VPS8: variants seen among roughly 807,000 people sequenced by gnomAD.
VPS8 encodes the protein vacuolar protein sorting-associated protein 8 homolog.
Under a neutral mutation model 216.4 loss-of-function variants are expected in VPS8, and 129 were observed. The ratio of observed to expected loss-of-function variants is 0.60; its 90% CI spans 0.52 to 0.69. The LOEUF (loss-of-function observed/expected upper bound fraction) is 0.69. Ranked by LOEUF, VPS8 falls within the 30% of genes least tolerant of loss-of-function variation. The probability of loss-of-function intolerance (pLI) is 0.00; values close to 1 mark genes in which losing one functional copy is unlikely to be tolerated. For missense variants in VPS8, 1,531 were observed against 1,683.5 expected, an observed-to-expected ratio of 0.91 and a Z score of 1.59; for synonymous variants, 571 against 565.4, an observed-to-expected ratio of 1.01 and a Z score of -0.14.
intron 36 of VPS8, among the ~76,000 whole-genome samples, chr3:184,941,123 A>G (rs1304802743): frequency 6.6e-6 from 1 of 151,528 alleles, no homozygotes; most frequent in African/African-American, 2.4e-5. Flanking sequence ...ATTGAAAACA[A>G]CTATTTACTT....
At chr3:185,020,432 T>A (rs1422150044) in intron 45 of VPS8, among the ~76,000 whole-genome samples, 1 of 152,092 alleles carries the variant, frequency 6.6e-6, no homozygotes, top group African/African-American at 2.4e-5. Context: ...TTTCTGTCAC[T>A]GAACATGTAT....
chr3:184,967,841 C>CA (rs11326717), intron 39 of VPS8, among the ~76,000 whole-genome samples: 1,532 of 133,714 alleles, frequency 0.011, 28 homozygotes, highest in African/African-American at 0.04. Flanking sequence ...AACTCCATCT[C>CA]AAAAAAAAAA....
intron 1 of VPS8, chr3:184,815,850 A>G (rs1029187157): frequency 6.6e-6 from 1 of 151,472 alleles, no homozygotes. Flanking sequence ...TAAATCTCTC[A>G]TGACTCTATA....
In VPS8 at chr3:184,996,466, A is replaced by G. The variant is rs761270924; in HGVS notation, c.3801A>G (p.Arg1267=). 9.3e-6 allele frequency: 15 copies of G among 1,606,188 alleles called. No individual in the cohort carries two copies. In the Admixed American group the frequency reaches 2.4e-4, roughly 26 times the overall value. ...YCSICLQQYK[R]RQEMADEIIV... is the part of the protein sequence containing the mutation. ...CTATATGTTTGCAGCAGTACAAGAG[A>G]CGCCAAGAAATGGCTGATGAAATAA... is the stretch of plus-strand genomic sequence containing the variant. Residue 1267 remains arginine, a synonymous_variant, in exon 44 of 48, where the codon AGA becomes AGG. Coordinates refer to ENST00000625842, the MANE Select transcript of VPS8 (RefSeq NM_001009921.3).
At chr3:184,995,911 A>T (rs1197609324) in intron 43 of VPS8, among the ~76,000 whole-genome samples, 1 of 152,246 alleles carries the variant, frequency 6.6e-6, no homozygotes, top group African/African-American at 2.4e-5. Flanking sequence ...ATGCAGTTTC[A>T]GTAAAAAATC....
At chr3:184,822,677 C>A (rs1717862793) in intron 1 of VPS8, among the ~76,000 whole-genome samples, 1 of 152,074 alleles carries the variant, frequency 6.6e-6, no homozygotes, top group African/African-American at 2.4e-5. Flanking sequence ...TAATTGCAAC[C>A]CTTTTTGCTT....
At chr3:185,039,022 C>T (rs948177165) in intron 46 of VPS8, among the ~76,000 whole-genome samples, 1 of 152,144 alleles carries the variant, frequency 6.6e-6, no homozygotes, top group African/African-American at 2.4e-5. Context: ...ATGAAAAATA[C>T]CAATGTCCTG....
intron 31 of VPS8, among the ~76,000 whole-genome samples, chr3:184,927,804 C>T (rs935031962): frequency 6.6e-6 from 1 of 152,174 alleles, no homozygotes; most frequent in Non-Finnish European, 1.5e-5. Context: ...AGGTCCCTCA[C>T]GTAAGTGCAG....
chr3:184,860,975 A>G (rs1032432185), intron 15 of VPS8, among the ~76,000 whole-genome samples: 2 of 151,328 alleles, frequency 1.3e-5, no homozygotes, highest in Admixed American at 1.3e-4. Flanking sequence ...GTGCCCCCCC[A>G]TCACGCCTGG....
intron 37 of VPS8, among the ~76,000 whole-genome samples, chr3:184,962,222 A>G (rs1453686914): frequency 6.6e-6 from 1 of 152,190 alleles, no homozygotes; most frequent in Admixed American, 6.5e-5. Context: ...ACAGTGTTAC[A>G]GTGTACATCC....
At chr3:184,882,326 A>G (rs1730416095) in intron 21 of VPS8, 1 of 446,578 alleles carries the variant, frequency 2.2e-6, no homozygotes, top group Non-Finnish European at 4.5e-6. Context: ...AATTAATATG[A>G]TCATGTGATT....
chr3:184,915,449 G>A lies in VPS8; in HGVS notation c.2357G>A (p.Arg786Lys). The change falls in exon 28 of 48, where the codon AGA (arginine) becomes AAA (lysine). Residue 786 changes from arginine (R) to lysine (K), a missense_variant. By Grantham distance (26) the Arg-to-Lys change is conservative. Coordinates refer to ENST00000625842, the MANE Select transcript of VPS8 (RefSeq NM_001009921.3). ...YIRTLLHFDT[R>K]EFLNVLALTF... ...CGGACTTTGCTACATTTTGACACAA[G>A]AGAATTTCTAAATGTATTGGCACTG... The A allele has an allele frequency of 6.2e-7, 1 of 1,613,736 alleles. No individual in the cohort carries two copies. Among genetic ancestry groups the A allele is most frequent in the Non-Finnish European group, 8.5e-7 (1 of 1,179,744 alleles).
intron 28 of VPS8, among the ~76,000 whole-genome samples, chr3:184,917,762 A>G (rs895926912): frequency 6.6e-6 from 1 of 152,218 alleles, no homozygotes; most frequent in Non-Finnish European, 1.5e-5. Flanking sequence ...TTAGGAAGAA[A>G]AATATATTAA....
chr3:184,928,271 G>A (rs1040411797), intron 31 of VPS8, among the ~76,000 whole-genome samples, 180 bp from the exon 32 acceptor site: 1 of 152,168 alleles, frequency 6.6e-6, no homozygotes, highest in Non-Finnish European at 1.5e-5. Context: ...GGGCTTAAAT[G>A]CAGTATGATC....
chr3:185,042,350 C>T (rs1246986419), intron 46 of VPS8, among the ~76,000 whole-genome samples: 1 of 152,208 alleles, frequency 6.6e-6, no homozygotes, highest in African/African-American at 2.4e-5. Context: ...TTCCCTAGTA[C>T]ATGCCCTGTA....
At chr3:184,862,654 C>T (rs1726586205) in intron 15 of VPS8, among the ~76,000 whole-genome samples, 1 of 152,140 alleles carries the variant, frequency 6.6e-6, no homozygotes, top group Non-Finnish European at 1.5e-5. Flanking sequence ...CCACCTACAG[C>T]TTTTAGTCTT....
At chr3:185,051,475 A>G (rs6783028) in intron 47 of VPS8, among the ~76,000 whole-genome samples, 71,993 of 151,250 alleles carry the variant, frequency 0.48, 17,373 homozygotes, top group East Asian at 0.67. Context: ...AGAGGTTGGA[A>G]CAAGCAGAGC....
intron 4 of VPS8, among the ~76,000 whole-genome samples, chr3:184,833,371 C>T (rs891510394): frequency 6.6e-6 from 1 of 152,136 alleles, no homozygotes; most frequent in Non-Finnish European, 1.5e-5. Context: ...TTATTGAATT[C>T]ACGTGTAACT....
chr3:184,849,933 T>C lies in VPS8; in HGVS notation c.667-3T>C, dbSNP rs371130162. On this transcript the variant is annotated splice_region_variant and splice_polypyrimidine_tract_variant and intron_variant, in intron 9 of 47. Transcript: ENST00000625842. ...GTTTTTGAAGCACTTAGTTGTCTTA[T>C]AGATCACCATGTGGGATTTGGCCAG... 12 of 1,610,810 alleles carry C rather than the reference T, an allele frequency of 7.4e-6. No homozygotes were observed. Among genetic ancestry groups the C allele is most frequent in the Admixed American group, 3.4e-5 (2 of 59,190 alleles).
Sources: gnomAD v4.1 joint callset for allele counts (sites outside exome capture counted in the v4.1 genomes callset) on GRCh38, gnomAD v4.1.1 for gene constraint, MANE v1.5 for transcripts, NCBI Gene and HGNC (gene_info 2026-07-23, HGNC 2026-07-21) for gene names.